Variants in NTN1 observed in about 807,000 individuals in gnomAD.
NTN1 encodes the protein netrin-1.
In NTN1, 11 loss-of-function variants were observed where a neutral mutation model predicts 54.2. The observed-to-expected ratio is 0.20, with a 90% CI of 0.13 to 0.34. The LOEUF (loss-of-function observed/expected upper bound fraction) is 0.34, where lower values mean the gene tolerates loss of function less well. Ranked by LOEUF, NTN1 falls within the 10% of genes least tolerant of loss-of-function variation. NTN1 has a pLI of 1.00. For synonymous variants in NTN1, 371 were observed against 382.0 expected (o/e 0.97, Z 0.33); for missense variants, 740 against 893.1 (o/e 0.83, Z 2.18).
intron 5 of NTN1, among the ~76,000 whole-genome samples, chr17:9,203,191 G>C (rs936338558): frequency 1.3e-5 from 2 of 152,114 alleles, no homozygotes; most frequent in African/African-American, 4.8e-5. Flanking sequence ...AAAGTGCTGG[G>C]ATTACAGGTG....
chr17:9,238,890 G>A (rs1169461355), intron 6 of NTN1, among the ~76,000 whole-genome samples: 1 of 152,190 alleles, frequency 6.6e-6, no homozygotes, highest in African/African-American at 2.4e-5. Context: ...CTCTGGGGCG[G>A]GGCCCAGCAG....
At chr17:9,015,413 A>C in the NTN1 span, among the ~76,000 whole-genome samples, 4 of 152,034 alleles carry the variant, frequency 2.6e-5, no homozygotes, top group East Asian at 5.8e-4. Flanking sequence ...TCTGTCTCAA[A>C]TAATAATAAT....
chr17:9,003,566 G>A, the NTN1 span, among the ~76,000 whole-genome samples: 1 of 148,046 alleles, frequency 6.8e-6, no homozygotes, highest in Non-Finnish European at 1.5e-5. The surrounding 1 kb of genome is among the most constrained non-coding windows in gnomAD (Gnocchi z 7.4). Flanking sequence ...GGCAGGTCGC[G>A]CTCGGCGGCC....
chr17:9,050,833 T>A (rs1597470003), intron 2 of NTN1, among the ~76,000 whole-genome samples: 1 of 152,168 alleles, frequency 6.6e-6, no homozygotes, highest in Non-Finnish European at 1.5e-5. Context: ...TGTGAGATGC[T>A]AAGTGCAGTG....
rs1422343322 is a variant in NTN1 at position 9,241,075 on chromosome 17, T to G, written c.*1107T>G. On this transcript the variant is annotated 3_prime_UTR_variant, in exon 7 of 7. Coordinates refer to ENST00000173229, the MANE Select transcript of NTN1 (RefSeq NM_004822.3). ...TGGAGTCTGCAGGCTGCGAAGGCAC[T>G]TGGGCCTGGCTTGGGGCCGGGGGCT... 1.3e-5 allele frequency: 2 copies of G among 152,396 alleles called. No individual in the cohort carries two copies. Among genetic ancestry groups the G allele is most frequent in the Non-Finnish European group, 2.9e-5 (2 of 68,218 alleles). The allele number at this position is 152,396 out of a possible 1,614,324, so 9.4% of individuals were successfully genotyped here. A position where few individuals can be genotyped will look rare whatever the true frequency, so the allele number is the denominator to read the frequency against.
At chr17:9,016,090 C>CA in the NTN1 span, among the ~76,000 whole-genome samples, 3 of 151,814 alleles carry the variant, frequency 2.0e-5, no homozygotes, top group East Asian at 1.9e-4. Context: ...AAAGCAAAAA[C>CA]AAAAAAACCC....
rs1330337414 is a variant in NTN1, at chr17:9,155,349, T to TC, written c.1019-7464_1019-7463insC. The stretch of plus-strand genomic sequence containing the variant: ...AGCAGCTTTCTTTTTCTTTTTTGTT[T>TC]TTTTTTTTTTGAGACGAGTTTTGCT... On this transcript the variant is annotated intron_variant, in intron 2 of 6. Coordinates refer to ENST00000173229, the MANE Select transcript of NTN1 (RefSeq NM_004822.3). Among the ~76,000 whole-genome samples, 3 of 149,670 alleles carry TC rather than the reference T, an allele frequency of 2.0e-5. No individual in the cohort carries two copies. The East Asian group carries it at 5.9e-4, about 29-fold the overall frequency.
chr17:9,134,051 C>T (rs531098819), intron 2 of NTN1, among the ~76,000 whole-genome samples: 3 of 151,532 alleles, frequency 2.0e-5, no homozygotes, highest in Admixed American at 1.3e-4. Context: ...ATTACAGGCA[C>T]CTGCCACTAT....
intron 3 of NTN1, among the ~76,000 whole-genome samples, chr17:9,167,099 G>A (rs1159036906): frequency 2.6e-5 from 4 of 152,176 alleles, no homozygotes; most frequent in East Asian, 1.9e-4. Context: ...GGGAACAGGC[G>A]GCTGCACTCT....
At chr17:9,033,309 G>A (rs187785926) in intron 2 of NTN1, among the ~76,000 whole-genome samples, 123 of 152,222 alleles carry the variant, frequency 8.1e-4, no homozygotes, top group African/African-American at 2.7e-3. Flanking sequence ...ACCCAGAAAT[G>A]CTAGAGAAGA....
Position 9,240,461 on chromosome 17 carries a change from CCCGACACGCAG to C in NTN1, c.*499_*509del, listed in dbSNP as rs1405231805. On this transcript the variant is annotated 3_prime_UTR_variant, in exon 7 of 7. Transcript: ENST00000173229. ...GCGCGGAGCACCCACCAAACCACCA[CCCGACACGCAG>C]CCGACGGGATCCCCCCCTTTCTCCC... The C allele has an allele frequency of 6.6e-6, 1 of 152,344 alleles. No individual in the cohort carries two copies. The highest frequency in any genetic ancestry group is 6.5e-5 in the Admixed American group (1 of 15,288). 9.4% of individuals were successfully genotyped at this position (152,344 alleles called of 1,614,324 possible). A position where few individuals can be genotyped will look rare whatever the true frequency, so the allele number is the denominator to read the frequency against.
At chr17:9,089,809 A>C (rs1436598596) in intron 2 of NTN1, among the ~76,000 whole-genome samples, 1 of 152,072 alleles carries the variant, frequency 6.6e-6, no homozygotes, top group Non-Finnish European at 1.5e-5. Flanking sequence ...TGGGGGTTTC[A>C]TCTCTCTTTT....
chr17:9,179,463 A>G (rs757597929), intron 3 of NTN1, among the ~76,000 whole-genome samples: 2 of 151,620 alleles, frequency 1.3e-5, no homozygotes, highest in Non-Finnish European at 2.9e-5. Flanking sequence ...CCCGATCCTG[A>G]CTCCTCCACC....
At position 9,023,524 on chromosome 17, in the gene NTN1, C is replaced by T. The variant is rs1021399819; in HGVS notation, c.1018+133C>T. 3.5e-5 allele frequency: 40 copies of T among 1,131,696 alleles called. No individual in the cohort carries two copies. The African/African-American group carries it at 4.9e-4, about 14-fold the overall frequency. The allele number at this position is 1,131,696 out of a possible 1,614,324, so 70.1% of individuals were successfully genotyped here. A position where few individuals can be genotyped will look rare whatever the true frequency, so the allele number is the denominator to read the frequency against. On this transcript the variant is annotated intron_variant, in intron 2 of 6. Coordinates refer to ENST00000173229, the MANE Select transcript of NTN1 (RefSeq NM_004822.3). ...AGGCGCGTTCGCCGATGCCCGGGAC[C>T]CGGGAGGGCTCAGAGCAGGTCCACT...
intron 2 of NTN1, among the ~76,000 whole-genome samples, chr17:9,100,271 C>G (rs1394107222): frequency 6.6e-6 from 1 of 151,988 alleles, no homozygotes; most frequent in Non-Finnish European, 1.5e-5. Context: ...CCTGCTTTTT[C>G]TGCTCAGCAA....
chr17:9,206,255 G>A (rs943903563), intron 5 of NTN1, among the ~76,000 whole-genome samples: 1 of 152,200 alleles, frequency 6.6e-6, no homozygotes, highest in Admixed American at 6.5e-5. Context: ...AATGCTCTGG[G>A]CAAGAGGCTT....
chr17:9,057,070 A>G (rs557479191), intron 2 of NTN1, among the ~76,000 whole-genome samples: 2 of 152,246 alleles, frequency 1.3e-5, no homozygotes, highest in African/African-American at 2.4e-5. Flanking sequence ...GAAAACAGGC[A>G]AAACTCGGGC....
intron 2 of NTN1, among the ~76,000 whole-genome samples, chr17:9,137,600 C>G (rs2092284880): frequency 6.6e-6 from 1 of 152,158 alleles, no homozygotes; most frequent in Non-Finnish European, 1.5e-5. Flanking sequence ...CGAGACCAGC[C>G]TGGCCAACAT....
rs930449677 is a variant in NTN1 at position 9,113,063 on chromosome 17, G to A, written c.1019-49750G>A. ...TTTTGAGACAGAGTCTCACTCTGTC[G>A]CCCAGGCTGGAGTGTAGTGGCACAA... is the stretch of plus-strand genomic sequence containing the variant. On this transcript the variant is annotated intron_variant, in intron 2 of 6. Coordinates refer to ENST00000173229, the MANE Select transcript of NTN1 (RefSeq NM_004822.3). Among the ~76,000 whole-genome samples the A allele has an allele frequency of 1.1e-3, 154 of 144,880 alleles. 1 individual carries two copies. Among genetic ancestry groups the A allele is most frequent in the African/African-American group, 3.8e-3 (146 of 38,878 alleles).
Sources: gnomAD v4.1 joint callset for allele counts (sites outside exome capture counted in the v4.1 genomes callset) on GRCh38, gnomAD v4.1.1 for gene constraint, Gnocchi (gnomAD v3.1) non-coding constraint, MANE v1.5 for transcripts, NCBI Gene and HGNC (gene_info 2026-07-23, HGNC 2026-07-21) for gene names.